PLXDC2: variants seen among roughly 807,000 people sequenced by gnomAD.
PLXDC2 encodes plexin domain containing 2.
PLXDC2 carries 40 observed loss-of-function variants against 68.9 expected under a neutral mutation model. That is an observed-to-expected ratio of 0.58 (90% CI 0.45 to 0.76). The LOEUF is 0.76. Ranked by LOEUF, PLXDC2 falls within the 30% of genes least tolerant of loss-of-function variation. The pLI is 0.00. For synonymous variants in PLXDC2, 243 were observed against 234.2 expected, an observed-to-expected ratio of 1.04 and a Z score of -0.34; for missense variants, 644 against 661.9, an observed-to-expected ratio of 0.97 and a Z score of 0.30.
chr10:19,906,702 A>G (rs1009467668), intron 1 of PLXDC2, among the ~76,000 whole-genome samples: 1 of 152,194 alleles, frequency 6.6e-6, no homozygotes, highest in Non-Finnish European at 1.5e-5. Flanking sequence ...CTCCTGAGTC[A>G]GAAGGCCCCA....
rs994977113 is a variant in PLXDC2, at chr10:20,030,135, T to G, written c.325-16734T>G. On this transcript the variant is annotated intron_variant, in intron 2 of 13. Coordinates refer to ENST00000377252, the MANE Select transcript of PLXDC2 (RefSeq NM_032812.9). ...ACAAAGTGAAAATGGGTACAGCATC[T>G]CTTTGGGGCAGAGTGGCCATATAGT... 2.0e-5 allele frequency among the ~76,000 whole-genome samples: 3 copies of G among 152,072 alleles called. No homozygotes were observed. In the South Asian group the frequency reaches 6.2e-4, roughly 32 times the overall value.
intron 1 of PLXDC2, among the ~76,000 whole-genome samples, chr10:19,832,567 T>G (rs1349055522): frequency 2.0e-5 from 3 of 152,250 alleles, no homozygotes; most frequent in African/African-American, 7.2e-5. Context: ...ATTTGCATAA[T>G]TTTTATATTA....
intron 1 of PLXDC2, among the ~76,000 whole-genome samples, chr10:19,923,152 CAGA>C (rs1465589198): frequency 6.6e-6 from 1 of 152,096 alleles, no homozygotes; most frequent in African/African-American, 2.4e-5. Context: ...CAGCATTAAG[CAGA>C]AGGTGTGTTG....
At position 20,108,604 on chromosome 10, in the gene PLXDC2, C is replaced by T. The variant is rs188176614; in HGVS notation, c.542-34691C>T. 7.2e-5 allele frequency among the ~76,000 whole-genome samples: 11 copies of T among 152,196 alleles called. No homozygotes were observed. The East Asian group carries it at 1.9e-3, about 27-fold the overall frequency. ...AAAATCATATAATGGCAGAAAAGGA[C>T]TCATAACACTTCGCCAGTACTTGAA... On this transcript the variant is annotated intron_variant, in intron 4 of 13. Coordinates refer to ENST00000377252, the MANE Select transcript of PLXDC2 (RefSeq NM_032812.9).
At chr10:19,889,141 T>C (rs2131358103) in intron 1 of PLXDC2, among the ~76,000 whole-genome samples, 1 of 152,082 alleles carries the variant, frequency 6.6e-6, no homozygotes, top group East Asian at 1.9e-4. Flanking sequence ...AGTATTCATT[T>C]CCTCCTTGTT....
intron 4 of PLXDC2, among the ~76,000 whole-genome samples, chr10:20,135,209 A>G (rs1833918730): frequency 1.3e-5 from 2 of 152,302 alleles, no homozygotes; most frequent in African/African-American, 4.8e-5. Context: ...AGGCTTTTGA[A>G]ATATTACTTG....
intron 6 of PLXDC2, among the ~76,000 whole-genome samples, chr10:20,163,982 T>C (rs953160270): frequency 6.6e-6 from 1 of 152,190 alleles, no homozygotes; most frequent in Non-Finnish European, 1.5e-5. Context: ...GTCAAATGTA[T>C]ATTTAACAGT....
chr10:20,222,129 A>G (rs1360749754), intron 12 of PLXDC2, among the ~76,000 whole-genome samples: 1 of 151,886 alleles, frequency 6.6e-6, no homozygotes, highest in Admixed American at 6.5e-5. Context: ...AAAAAGGGTA[A>G]CATTTTTCAA....
At chr10:20,148,158 CTAAT>C (rs778994803) in intron 6 of PLXDC2, among the ~76,000 whole-genome samples, 4 of 151,876 alleles carry the variant, frequency 2.6e-5, no homozygotes, top group East Asian at 3.9e-4. Flanking sequence ...ATTATATTGA[CTAAT>C]TATTGAGTAA....
chr10:20,093,837 C>A (rs1345311410), intron 4 of PLXDC2, among the ~76,000 whole-genome samples: 1 of 152,024 alleles, frequency 6.6e-6, no homozygotes, highest in Non-Finnish European at 1.5e-5. Context: ...CCATGCCTGG[C>A]TAATTTTTTG....
chr10:20,148,308 T>A (rs368500556), intron 6 of PLXDC2, among the ~76,000 whole-genome samples: 1 of 152,036 alleles, frequency 6.6e-6, no homozygotes, highest in East Asian at 1.9e-4. Flanking sequence ...TATATTTTGG[T>A]TCTAATTTCA....
At chr10:20,049,231 A>G (rs970521945) in intron 3 of PLXDC2, among the ~76,000 whole-genome samples, 2 of 152,168 alleles carry the variant, frequency 1.3e-5, no homozygotes, top group African/African-American at 2.4e-5. Context: ...AGAGCCATCT[A>G]TGACAAACCC....
At position 20,125,578 on chromosome 10, in the gene PLXDC2, T is replaced by A. The variant is rs544945408; in HGVS notation, c.542-17717T>A. On this transcript the variant is annotated intron_variant, in intron 4 of 13. Transcript: ENST00000377252. ...ATAAAGGTGGAAATATCACAGAGGT[T>A]TGAGCCTGACCATAGGACTGCAAAG... 2.3e-4 allele frequency among the ~76,000 whole-genome samples: 35 copies of A among 152,238 alleles called. No homozygotes were observed. In the South Asian group the frequency reaches 7.1e-3, roughly 31 times the overall value.
At chr10:19,939,783 A>G (rs1833786954) in intron 1 of PLXDC2, among the ~76,000 whole-genome samples, 1 of 152,156 alleles carries the variant, frequency 6.6e-6, no homozygotes, top group Non-Finnish European at 1.5e-5. Context: ...AAGAGCCATT[A>G]TTTGTAGGGT....
rs66483508 is a variant in PLXDC2, at chr10:20,217,596, CTTTTTTTTTTTTTTTT to C, written c.1273+33_1273+48del. ...CAGAAGGTACCCAAGAGATAGTTTG[CTTTTTTTTTTTTTTTT>C]TTTTTTTTTTTTCCCTGAAGGAAGG... On this transcript the variant is annotated intron_variant, in intron 11 of 13. Transcript: ENST00000377252. 3,322 of 785,176 alleles carry C rather than the reference CTTTTTTTTTTTTTTTT, an allele frequency of 4.2e-3. 24 individuals are homozygous for C. The highest frequency in any genetic ancestry group is 1.7e-3 in the Non-Finnish European group (1,106 of 648,128). 48.6% of individuals were successfully genotyped at this position (785,176 alleles called of 1,614,324 possible).
intron 4 of PLXDC2, among the ~76,000 whole-genome samples, chr10:20,111,640 C>G (rs1246765714): frequency 2.6e-5 from 4 of 152,146 alleles, no homozygotes; most frequent in Non-Finnish European, 5.9e-5. Flanking sequence ...GACATGTTTA[C>G]TTCATTTTCA....
chr10:20,288,938 T>C lies in PLXDC2; in HGVS notation c.*9119T>C, dbSNP rs1042423794. 6.6e-6 allele frequency: 1 copy of C among 152,176 alleles called. No individual in the cohort carries two copies. The highest frequency in any genetic ancestry group is 2.4e-5 in the African/African-American group (1 of 41,442). The allele number at this position is 152,176 out of a possible 1,614,324, so 9.4% of individuals were successfully genotyped here. A position where few individuals can be genotyped will look rare whatever the true frequency, so the allele number is the denominator to read the frequency against. ...AGCAAACCATGTTTTTCACTTACAG[T>C]AGGAGTCAACAAATTTGGGATTTTA... On this transcript the variant is annotated 3_prime_UTR_variant, in exon 14 of 14. Coordinates refer to ENST00000377252, the MANE Select transcript of PLXDC2 (RefSeq NM_032812.9).
intron 1 of PLXDC2, among the ~76,000 whole-genome samples, chr10:19,939,623 C>A (rs1175031261): frequency 1.3e-5 from 2 of 152,132 alleles, no homozygotes; most frequent in Non-Finnish European, 2.9e-5. Flanking sequence ...TTTAAAAGGG[C>A]TGAAAATTTT....
chr10:19,953,043 A>T (rs1834016393), intron 1 of PLXDC2, among the ~76,000 whole-genome samples: 1 of 151,814 alleles, frequency 6.6e-6, no homozygotes, highest in Non-Finnish European at 1.5e-5. Context: ...TTTTGTATTT[A>T]TTAGTAGAGA....
Sources: allele counts gnomAD v4.1 joint callset (sites outside exome capture counted in the v4.1 genomes callset), GRCh38; gene constraint gnomAD v4.1.1; transcripts MANE v1.5; gene names NCBI Gene and HGNC (gene_info 2026-07-23, HGNC 2026-07-21).